MYO1E: variants seen among roughly 807,000 people sequenced by gnomAD.
The protein encoded by MYO1E is myosin IE.
A neutral mutation model predicts 151.1 loss-of-function variants in MYO1E; 68 were observed. The observed-to-expected ratio is 0.45, with a 90% confidence interval of 0.37 to 0.55. MYO1E has a LOEUF of 0.55. Ranked by LOEUF, MYO1E falls within the 20% of genes least tolerant of loss-of-function variation. MYO1E has a pLI of 0.00. For missense variants in MYO1E, 1,363 were observed against 1,389.3 expected, an observed-to-expected ratio of 0.98 and a Z score of 0.30; for synonymous variants, 601 against 501.7, an observed-to-expected ratio of 1.20 and a Z score of -2.64.
intron 17 of MYO1E, among the ~76,000 whole-genome samples, chr15:59,194,159 G>A (rs2079751321): frequency 6.6e-6 from 1 of 151,322 alleles, no homozygotes; most frequent in Non-Finnish European, 1.5e-5. Context: ...GGGTGACAGA[G>A]CGAGACTCTT....
chr15:59,252,999 A>C (rs976942009), intron 4 of MYO1E, among the ~76,000 whole-genome samples: 41 of 152,270 alleles, frequency 2.7e-4, no homozygotes, highest in African/African-American at 8.7e-4. Flanking sequence ...AAGGAAACCA[A>C]CAGAGCCTAC....
intron 9 of MYO1E, among the ~76,000 whole-genome samples, chr15:59,221,486 T>G (rs2079956196): frequency 1.3e-5 from 2 of 152,242 alleles, no homozygotes; most frequent in South Asian, 2.1e-4. Flanking sequence ...ACAAGTGGAC[T>G]AGAAAAGGTA....
At position 59,372,588 on chromosome 15, in the gene MYO1E, G is replaced by A. The variant is rs2080954526; in HGVS notation, c.-88C>T. ...GCAGTCTTCTGGGCGAACTTCAAAA[G>A]TTGGTTCCCCTCGCCAAAAACAGGC... On this transcript the variant is annotated 5_prime_UTR_variant, in exon 1 of 28. Transcript: ENST00000288235. 2.0e-6 allele frequency: 3 copies of A among 1,495,986 alleles called. No homozygotes were observed. The highest frequency in any genetic ancestry group is 2.1e-5 in the Admixed American group (1 of 48,096). The allele number at this position is 1,495,986 out of a possible 1,614,324, so 92.7% of individuals were successfully genotyped here.
At chr15:59,308,339 C>A (rs1334722452) in intron 1 of MYO1E, among the ~76,000 whole-genome samples, 1 of 150,196 alleles carries the variant, frequency 6.7e-6, no homozygotes, top group African/African-American at 2.5e-5. Context: ...AGTTCGAGAC[C>A]AGCATGGCCA....
chr15:59,312,151 A>C (rs570137206), intron 1 of MYO1E, among the ~76,000 whole-genome samples: 1 of 152,366 alleles, frequency 6.6e-6, no homozygotes, highest in African/African-American at 2.4e-5. Flanking sequence ...GCTCTGTGCT[A>C]AGTTCAAGAA....
chr15:59,259,544 G>A (rs1335877454), intron 3 of MYO1E, among the ~76,000 whole-genome samples: 1 of 152,070 alleles, frequency 6.6e-6, no homozygotes, highest in African/African-American at 2.4e-5. Flanking sequence ...TTGGGTTTCT[G>A]GTCTCAAGTG....
chr15:59,212,386 G>C (rs1410217129), intron 12 of MYO1E, among the ~76,000 whole-genome samples: 2 of 151,992 alleles, frequency 1.3e-5, no homozygotes, highest in Non-Finnish European at 2.9e-5. Context: ...AAACCCCCTG[G>C]TATGGTGTTT....
At position 59,210,414 on chromosome 15, in the gene MYO1E, A is replaced by C. The variant is rs549702236; in HGVS notation, c.1362+100T>G. On this transcript the variant is annotated intron_variant, in intron 13 of 27. Coordinates refer to ENST00000288235, the MANE Select transcript of MYO1E (RefSeq NM_004998.4). ...ATTGCTCAAATTCTCTGCAAATCAGAGTTGTCACTTTGCCTGTTCTAAAAC... is the reference window on the plus strand; with the variant it reads ...ATTGCTCAAATTCTCTGCAAATCAGCGTTGTCACTTTGCCTGTTCTAAAAC... 28 of 844,712 alleles carry C rather than the reference A, an allele frequency of 3.3e-5. No homozygotes were observed. In the East Asian group the frequency reaches 6.7e-4, roughly 20 times the overall value. 52.3% of individuals were successfully genotyped at this position (844,712 alleles called of 1,614,324 possible).
Position 59,175,211 on chromosome 15 carries a change from T to A in MYO1E, c.2050-971A>T, listed in dbSNP as rs574412816. 3.3e-4 allele frequency among the ~76,000 whole-genome samples: 51 copies of A among 152,342 alleles called. No homozygotes were observed. In the South Asian group the frequency reaches 7.7e-3, roughly 23 times the overall value. On this transcript the variant is annotated intron_variant, in intron 19 of 27. Transcript: ENST00000288235. ...CCTCATTTAGACACGCAAAGCTTTC[T>A]CTGTAAATCTGCACTTGATCCACTT...
intron 26 of MYO1E, among the ~76,000 whole-genome samples, chr15:59,145,005 G>C (rs2044436): frequency 6.6e-6 from 1 of 151,982 alleles, no homozygotes; most frequent in Non-Finnish European, 1.5e-5. Flanking sequence ...CACCATGCCC[G>C]GCTAATCTTG....
intron 26 of MYO1E, among the ~76,000 whole-genome samples, chr15:59,142,738 T>C (rs1478560710): frequency 5.3e-5 from 8 of 152,118 alleles, no homozygotes; most frequent in Admixed American, 4.6e-4. Flanking sequence ...GGTGCCTTCC[T>C]ACCTTTCTTC....
At chr15:59,262,545 T>G (rs1319636872) in intron 2 of MYO1E, among the ~76,000 whole-genome samples, 1 of 151,792 alleles carries the variant, frequency 6.6e-6, no homozygotes, top group South Asian at 2.1e-4. Flanking sequence ...GGAGGATTGC[T>G]TGAGGCCAGG....
chr15:59,213,820 A>G (rs1264438735), intron 12 of MYO1E, among the ~76,000 whole-genome samples: 2 of 152,206 alleles, frequency 1.3e-5, no homozygotes, highest in African/African-American at 2.4e-5. Context: ...GTATTCAAAT[A>G]CCAGCTTTGT....
In MYO1E at chr15:59,173,887, C is replaced by A. The variant is rs375940461; in HGVS notation, c.2193G>T (p.Glu731Asp). The A allele has an allele frequency of 4.9e-5, 79 of 1,614,044 alleles. No individual in the cohort carries two copies. The highest frequency in any genetic ancestry group is 6.5e-5 in the Non-Finnish European group (77 of 1,180,036). ...EASDLLLNKK[E>D]RRRNSINRNF... is the part of the protein sequence containing the mutation. ...TCCTGTTAATACTGTTTCTCCTTCT[C>A]TCCTTCTTGTTCAATAAGAGGTCTG... The change falls in exon 21 of 28, where the codon GAG (glutamate) becomes GAT (aspartate). Residue 731 changes from glutamate (E) to aspartate (D), a missense_variant. By Grantham distance (45) the Glu-to-Asp change is conservative. Coordinates refer to ENST00000288235, the MANE Select transcript of MYO1E (RefSeq NM_004998.4).
At chr15:59,233,796 C>G (rs1281422925) in intron 5 of MYO1E, among the ~76,000 whole-genome samples, 1 of 149,890 alleles carries the variant, frequency 6.7e-6, no homozygotes, top group African/African-American at 2.4e-5. Flanking sequence ...AACCTAGGTT[C>G]TATAGCTGCC....
chr15:59,281,717 T>C (rs1048425450), intron 1 of MYO1E, among the ~76,000 whole-genome samples: 1 of 152,202 alleles, frequency 6.6e-6, no homozygotes, highest in Admixed American at 6.5e-5. Flanking sequence ...CTTAATAATT[T>C]TGATTAAACC....
intron 26 of MYO1E, among the ~76,000 whole-genome samples, chr15:59,144,171 A>AT (rs1179983583): frequency 6.6e-6 from 1 of 151,688 alleles, no homozygotes; most frequent in Non-Finnish European, 1.5e-5. Context: ...TTATTAATTT[A>AT]TTTTTATTTT....
intron 1 of MYO1E, among the ~76,000 whole-genome samples, chr15:59,353,129 TA>T (rs1412738323): frequency 6.6e-6 from 1 of 152,094 alleles, no homozygotes; most frequent in African/African-American, 2.4e-5. Flanking sequence ...CCACCTGCAT[TA>T]AAAACTACTG....
At chr15:59,183,025 G>A (rs1199778769) in intron 18 of MYO1E, among the ~76,000 whole-genome samples, 2 of 152,154 alleles carry the variant, frequency 1.3e-5, no homozygotes, top group East Asian at 1.9e-4. Context: ...TAATGCCACC[G>A]CTGATCTGAC....
Sources: allele counts gnomAD v4.1 joint callset (sites outside exome capture counted in the v4.1 genomes callset), GRCh38; gene constraint gnomAD v4.1.1; transcripts MANE v1.5; gene names NCBI Gene and HGNC (gene_info 2026-07-23, HGNC 2026-07-21).